ESAM: variants seen among roughly 807,000 people sequenced by gnomAD.
ESAM encodes endothelial cell-selective adhesion molecule.
In ESAM, 23 loss-of-function variants were observed where a neutral mutation model predicts 31.8. The observed-to-expected ratio is 0.72, with a 90% confidence interval of 0.52 to 1.03. The LOEUF (loss-of-function observed/expected upper bound fraction) is 1.03. Ranked by LOEUF, ESAM falls within the 50% of genes least tolerant of loss-of-function variation. The pLI, the probability that ESAM is intolerant of heterozygous loss-of-function variation, is 0.00. For synonymous variants in ESAM, 216 were observed against 207.2 expected (o/e 1.04, Z -0.37); for missense variants, 478 against 488.9 (o/e 0.98, Z 0.21).
rs1019162929 is a variant in ESAM at position 124,753,838 on chromosome 11, C to A, written c.981G>T (p.Arg327Ser). 6.2e-7 allele frequency: 1 copy of A among 1,613,374 alleles called. No individual in the cohort carries two copies. Among genetic ancestry groups the A allele is most frequent in the East Asian group, 2.2e-5 (1 of 44,862 alleles). The change falls in exon 7 of 7, where the codon AGG becomes AGT. Residue 327 changes from arginine to serine, a missense_variant. Arg to Ser is a moderately radical substitution (Grantham distance 110). Coordinates refer to ENST00000278927, the MANE Select transcript of ESAM (RefSeq NM_138961.3). ...RALRPPHGPP[R>S]PGALTPTPSL... ...TGGGCGTGGGGGTCAATGCACCAGG[C>A]CTGGGAGGGCCATGGGGTGGCCGGA...
At chr11:124,761,868 T>TC (rs933931470) in intron 1 of ESAM, among the ~76,000 whole-genome samples, 1 of 150,906 alleles carries the variant, frequency 6.6e-6, no homozygotes, top group Non-Finnish European at 1.5e-5. Context: ...TGCCCTTACC[T>TC]CCCCCCGCCA....
intron 1 of ESAM, 145 bp from the exon 2 acceptor site, chr11:124,758,672 C>T: frequency 1.1e-6 from 1 of 910,134 alleles, no homozygotes; most frequent in South Asian, 1.8e-5. Flanking sequence ...CTGGAGGCCT[C>T]AAGGGGTGCC....
intron 4 of ESAM, among the ~76,000 whole-genome samples, chr11:124,755,882 A>G (rs1315493679): frequency 6.6e-6 from 1 of 152,210 alleles, no homozygotes; most frequent in Non-Finnish European, 1.5e-5. Context: ...TAATGAGTTC[A>G]AGCTGATATG....
At chr11:124,760,454 C>T (rs1455080262) in intron 1 of ESAM, among the ~76,000 whole-genome samples, 1 of 152,266 alleles carries the variant, frequency 6.6e-6, no homozygotes, top group Non-Finnish European at 1.5e-5. Context: ...TTTAGTCTCC[C>T]TCTTTCTCTG....
chr11:124,756,418 C>A, intron 3 of ESAM, 56 bp from the exon 4 acceptor site: 1 of 1,577,720 alleles, frequency 6.3e-7, no homozygotes. Flanking sequence ...GATCCTCTCC[C>A]TCTGCCCTGC....
At position 124,753,655 on chromosome 11, in the gene ESAM, A is replaced by G. The variant is rs528285232; in HGVS notation, c.1164T>C (p.Ser388=). 4.3e-6 allele frequency: 7 copies of G among 1,613,680 alleles called. No homozygotes were observed. The South Asian group carries it at 5.5e-5, about 13-fold the overall frequency. Residue 388 remains serine, a synonymous_variant, in exon 7 of 7, where the codon TCT becomes TCC. Transcript: ENST00000278927. ...ATGAGTGGTGGGGTCATCATACCAG[A>G]GAGCCAGCTTGACTCTGGGCAGGCA... is the stretch of plus-strand genomic sequence containing the variant. ...VMVPAQSQAG[S]LV
At chr11:124,761,266 T>C (rs76027277) in intron 1 of ESAM, among the ~76,000 whole-genome samples, 3,248 of 152,324 alleles carry the variant, frequency 0.021, 125 homozygotes, top group African/African-American at 0.075. Context: ...GGCCTAGTCC[T>C]GCCGGGTCCT....
Position 124,753,816 on chromosome 11 carries a change from G to A in ESAM, c.1003C>T (p.Pro335Ser), listed in dbSNP as rs779167057. Residue 335 changes from proline to serine, a missense_variant, in exon 7 of 7, where the codon CCC (proline) becomes TCC (serine). By Grantham distance (74) the Pro-to-Ser change is moderately conservative. Coordinates refer to ENST00000278927, the MANE Select transcript of ESAM (RefSeq NM_138961.3). ...PPRPGALTPT[P>S]SLSSQALPSP... The stretch of plus-strand genomic sequence containing the variant: ...GGCAGGGCCTGGCTGGAGAGACTGG[G>A]CGTGGGGGTCAATGCACCAGGCCTG... The A allele has an allele frequency of 3.7e-6, 6 of 1,613,510 alleles. No homozygotes were observed. The Admixed American group carries it at 6.7e-5, about 18-fold the overall frequency.
rs1944159451 is a variant in ESAM, at chr11:124,756,698, T to C, written c.294A>G (p.Val98=). 6.2e-7 allele frequency: 1 copy of C among 1,614,080 alleles called. No individual in the cohort carries two copies. Among genetic ancestry groups the C allele is most frequent in the Non-Finnish European group, 8.5e-7 (1 of 1,180,058 alleles). ...GGGAGGGCATGGAGTAGACCAAGGA[T>C]ACTCCAGGTTTGCTTGTTGTGACCC... ...INGVTTSKPG[V]SLVYSMPSRN... Residue 98 remains valine, a synonymous_variant, in exon 3 of 7, where the codon GTA becomes GTG. Coordinates refer to ENST00000278927, the MANE Select transcript of ESAM (RefSeq NM_138961.3).
chr11:124,760,915 G>A (rs1944221656), intron 1 of ESAM, among the ~76,000 whole-genome samples: 1 of 152,210 alleles, frequency 6.6e-6, no homozygotes, highest in Admixed American at 6.5e-5. Flanking sequence ...GGATCCTGGA[G>A]CAGGCCCACC....
In ESAM at chr11:124,758,297, C is replaced by T. The variant is rs187185986; in HGVS notation, c.249+52G>A. 35 of 1,607,474 alleles carry T rather than the reference C, an allele frequency of 2.2e-5. 1 individual carries two copies. The African/African-American group carries it at 3.2e-4, about 15-fold the overall frequency. On this transcript the variant is annotated intron_variant, in intron 2 of 6. Transcript: ENST00000278927. ...CCCACCGCTACCAGCTCTTTGCTTACAACCCCCTCTGGGCGCAACTTGCCG... is the reference window on the plus strand; with the variant it reads ...CCCACCGCTACCAGCTCTTTGCTTATAACCCCCTCTGGGCGCAACTTGCCG...
intron 2 of ESAM, 61 bp downstream of exon 2, chr11:124,758,288 C>G: frequency 6.2e-7 from 1 of 1,604,562 alleles, no homozygotes; most frequent in Non-Finnish European, 8.5e-7. Context: ...GCTACCAGCT[C>G]TTTGCTTACA....
rs1012949541 is a variant in ESAM, at chr11:124,762,282, C to A, written c.-128G>T. ...CCGCTGACACCCAGGGCGGCTCCAGCCCAAGTCTGCGCGCCTGTGTGCCGG... is the reference window on the plus strand; with the variant it reads ...CCGCTGACACCCAGGGCGGCTCCAGACCAAGTCTGCGCGCCTGTGTGCCGG... On this transcript the variant is annotated 5_prime_UTR_variant, in exon 1 of 7. Coordinates refer to ENST00000278927, the MANE Select transcript of ESAM (RefSeq NM_138961.3). This position sits in a 1 kb window ranked among gnomAD's most constrained non-coding sequence, Gnocchi z 6.4. 17 of 658,460 alleles carry A rather than the reference C, an allele frequency of 2.6e-5. 1 individual carries two copies. The African/African-American group carries it at 3.1e-4, about 12-fold the overall frequency. 40.8% of individuals were successfully genotyped at this position (658,460 alleles called of 1,614,324 possible). A position where few individuals can be genotyped will look rare whatever the true frequency, so the allele number is the denominator to read the frequency against.
chr11:124,754,648 C>T lies in ESAM; in HGVS notation c.723G>A (p.Val241=), dbSNP rs1276888532. Reference sequence around the variant, plus strand: ...CACTTACCCCTCACTGACCTGTGCTCACTTCCAGCGTCACATTACATTGGG... The same window carrying T: ...CACTTACCCCTCACTGACCTGTGCTTACTTCCAGCGTCACATTACATTGGG... The part of the protein sequence containing the change: ...GTAQCNVTLE[V]STGPGAAVVA... Residue 241 remains valine (V), a synonymous_variant, in exon 5 of 7, where the codon GTG becomes GTA. Transcript: ENST00000278927. The surrounding 1 kb of genome is among the most constrained non-coding windows in gnomAD (Gnocchi z 4.5). The T allele has an allele frequency of 1.9e-6, 3 of 1,612,952 alleles. No individual in the cohort carries two copies. Among genetic ancestry groups the T allele is most frequent in the Non-Finnish European group, 2.5e-6 (3 of 1,179,662 alleles).
intron 4 of ESAM, 118 bp downstream of exon 4, chr11:124,756,089 C>T: frequency 7.1e-7 from 1 of 1,401,262 alleles, no homozygotes; most frequent in Admixed American, 2.0e-5. Context: ...CCCACATCCT[C>T]CTCCTCCTCC....
chr11:124,757,799 GC>G (rs1270096724), intron 2 of ESAM, among the ~76,000 whole-genome samples: 1 of 148,784 alleles, frequency 6.7e-6, no homozygotes, highest in African/African-American at 2.5e-5. Flanking sequence ...GTGGATTCAA[GC>G]AATTCTCTTG....
chr11:124,754,107 G>A lies in ESAM; in HGVS notation c.857+107C>T, dbSNP rs1944126203. The stretch of plus-strand genomic sequence containing the variant: ...CTTAAAACCTGCCCATAGGAATGAT[G>A]TTTCAGCCACTGACCCCATCCCAAT... On this transcript the variant is annotated intron_variant, in intron 6 of 6. Coordinates refer to ENST00000278927, the MANE Select transcript of ESAM (RefSeq NM_138961.3). This position sits in a 1 kb window ranked among gnomAD's most constrained non-coding sequence, Gnocchi z 4.5. 1.3e-6 allele frequency: 2 copies of A among 1,557,338 alleles called. No homozygotes were observed. Among genetic ancestry groups the A allele is most frequent in the Non-Finnish European group, 1.7e-6 (2 of 1,149,962 alleles).
Position 124,754,726 on chromosome 11 carries a change from C to T in ESAM, c.645G>A (p.Ser215=), listed in dbSNP as rs759135722. ...IRGSLSLTNL[S]SSMAGVYVCK... ...AGACATAGACTCCAGCCATGGAAGA[C>T]GAAAGGTTGGTGAGGCTTAAAGACC... Residue 215 remains serine (S), a synonymous_variant, in exon 5 of 7, where the codon TCG becomes TCA. Coordinates refer to ENST00000278927, the MANE Select transcript of ESAM (RefSeq NM_138961.3). This position sits in a 1 kb window ranked among gnomAD's most constrained non-coding sequence, Gnocchi z 4.5. 7 of 1,613,862 alleles carry T rather than the reference C, an allele frequency of 4.3e-6. No individual in the cohort carries two copies. Among genetic ancestry groups the T allele is most frequent in the South Asian group, 2.2e-5 (2 of 91,068 alleles).
At chr11:124,755,781 G>GT (rs1387968186) in intron 4 of ESAM, among the ~76,000 whole-genome samples, 1 of 152,152 alleles carries the variant, frequency 6.6e-6, no homozygotes, top group East Asian at 1.9e-4. Flanking sequence ...AATTAATAAC[G>GT]TAACTATCTA....
Sources: allele counts gnomAD v4.1 joint callset (sites outside exome capture counted in the v4.1 genomes callset), GRCh38; gene constraint gnomAD v4.1.1; non-coding constraint Gnocchi (gnomAD v3.1); transcripts MANE v1.5; gene names NCBI Gene and HGNC (gene_info 2026-07-23, HGNC 2026-07-21).